Variants in RAB11FIP4 observed in about 807,000 individuals in gnomAD.
The protein encoded by RAB11FIP4 is RAB11 family interacting protein 4, also known as rab11 family-interacting protein 4.
RAB11FIP4 carries 23 observed loss-of-function variants against 74.3 expected under a neutral mutation model. That is an observed-to-expected ratio of 0.31 (90% CI 0.22 to 0.44). The LOEUF (loss-of-function observed/expected upper bound fraction) is 0.44. RAB11FIP4 is among the 20% of genes least tolerant of loss of function. RAB11FIP4 has a pLI of 1.00. For synonymous variants in RAB11FIP4, 360 were observed against 359.9 expected (o/e 1.00, Z 0.00); for missense variants, 630 against 863.9 (o/e 0.73, Z 3.39).
At position 31,531,815 on chromosome 17, in the gene RAB11FIP4, C is replaced by G; in HGVS notation, c.*83C>G. ...CCAAGGATGCAGGCCTAAGCCGGGC[C>G]TCACACTCACACTGTAAATGTCTCT... On this transcript the variant is annotated 3_prime_UTR_variant, in exon 15 of 15. Transcript: ENST00000621161. 2 of 820,278 alleles carry G rather than the reference C, an allele frequency of 2.4e-6. No individual in the cohort carries two copies. Among genetic ancestry groups the G allele is most frequent in the South Asian group, 2.9e-5 (2 of 68,502 alleles). The allele number at this position is 820,278 out of a possible 1,614,324, so 50.8% of individuals were successfully genotyped here.
intron 3 of RAB11FIP4, among the ~76,000 whole-genome samples, chr17:31,457,545 C>T (rs1229715918): frequency 6.6e-6 from 1 of 152,136 alleles, no homozygotes; most frequent in Non-Finnish European, 1.5e-5. Context: ...CTTCCCCTTT[C>T]TCCGGGGTGG....
chr17:31,461,441 T>G (rs2071633160), intron 3 of RAB11FIP4, among the ~76,000 whole-genome samples: 1 of 152,230 alleles, frequency 6.6e-6, no homozygotes, highest in Non-Finnish European at 1.5e-5. Context: ...GTTACCTTGA[T>G]GCAGGACTTC....
chr17:31,398,879 G>A (rs1342510735), intron 1 of RAB11FIP4, among the ~76,000 whole-genome samples: 1 of 152,190 alleles, frequency 6.6e-6, no homozygotes, highest in Admixed American at 6.5e-5. Flanking sequence ...CGGGGGCGAT[G>A]GCTACAAAGC....
rs2072932218 is a variant in RAB11FIP4, at chr17:31,534,870, TCA to T, written c.*3139_*3140del. ...ACATGGCCCTGAGCTGCCCTTGCGTTCAGTTGGAAGCCACGCAAAATGAACTG... is the reference window on the plus strand; with the variant it reads ...ACATGGCCCTGAGCTGCCCTTGCGTTGTTGGAAGCCACGCAAAATGAACTG... On this transcript the variant is annotated 3_prime_UTR_variant, in exon 15 of 15. Transcript: ENST00000621161. 1 of 154,386 alleles carries T rather than the reference TCA, an allele frequency of 6.5e-6. No individual in the cohort carries two copies. Among genetic ancestry groups the T allele is most frequent in the South Asian group, 2.0e-4 (1 of 4,926 alleles). The allele number at this position is 154,386 out of a possible 1,614,324, so 9.6% of individuals were successfully genotyped here. A position where few individuals can be genotyped will look rare whatever the true frequency, so the allele number is the denominator to read the frequency against.
At chr17:31,406,275 G>A (rs2071040952) in intron 1 of RAB11FIP4, among the ~76,000 whole-genome samples, 1 of 152,238 alleles carries the variant, frequency 6.6e-6, no homozygotes, top group Non-Finnish European at 1.5e-5. Flanking sequence ...TCTGCTCCCA[G>A]CGCAGGCGCT....
At chr17:31,430,477 C>T (rs1036760163) in intron 1 of RAB11FIP4, among the ~76,000 whole-genome samples, 30 of 151,226 alleles carry the variant, frequency 2.0e-4, no homozygotes, top group African/African-American at 6.8e-4. Flanking sequence ...CCTGCCTCAG[C>T]CTCCCGAGTA....
intron 10 of RAB11FIP4, chr17:31,525,581 G>A (rs758738626): frequency 4.2e-5 from 11 of 261,872 alleles, no homozygotes; most frequent in African/African-American, 2.5e-4. Flanking sequence ...AGAGCCCCAG[G>A]GCCAAGGTAA....
intron 3 of RAB11FIP4, among the ~76,000 whole-genome samples, chr17:31,451,615 G>A (rs2071528498): frequency 6.6e-6 from 1 of 152,016 alleles, no homozygotes; most frequent in Non-Finnish European, 1.5e-5. Flanking sequence ...GATTCCCGGT[G>A]ACTCTCACTG....
chr17:31,506,960 T>C (rs1302790036), intron 3 of RAB11FIP4, among the ~76,000 whole-genome samples: 4 of 152,184 alleles, frequency 2.6e-5, no homozygotes, highest in Admixed American at 2.0e-4. Flanking sequence ...CTCCATACCG[T>C]TGTCCATAAT....
chr17:31,509,698 C>A (rs965349814), intron 3 of RAB11FIP4, among the ~76,000 whole-genome samples: 5 of 152,144 alleles, frequency 3.3e-5, no homozygotes, highest in Non-Finnish European at 5.9e-5. Context: ...GGCTGCAGAG[C>A]TTTGATCTCA....
chr17:31,500,586 A>T (rs1337066928), intron 3 of RAB11FIP4, among the ~76,000 whole-genome samples: 1 of 152,212 alleles, frequency 6.6e-6, no homozygotes, highest in Non-Finnish European at 1.5e-5. Flanking sequence ...GTGTAGGTAA[A>T]ATACCTTTTA....
At chr17:31,513,428 C>G (rs931916324) in intron 3 of RAB11FIP4, among the ~76,000 whole-genome samples, 1 of 152,224 alleles carries the variant, frequency 6.6e-6, no homozygotes, top group African/African-American at 2.4e-5. Context: ...GTTCTGGCAC[C>G]TTCCAGCATC....
intron 3 of RAB11FIP4, among the ~76,000 whole-genome samples, chr17:31,489,123 G>T (rs1597949343): frequency 6.6e-6 from 1 of 152,336 alleles, no homozygotes; most frequent in East Asian, 1.9e-4. Context: ...TGAGAGGTCT[G>T]GGTCCTGTCT....
chr17:31,449,475 T>C (rs1395561552), intron 3 of RAB11FIP4, among the ~76,000 whole-genome samples: 1 of 152,200 alleles, frequency 6.6e-6, no homozygotes, highest in African/African-American at 2.4e-5. Flanking sequence ...CTTGCCTCCC[T>C]TTCTCTCTGT....
In RAB11FIP4 at chr17:31,391,820, G is replaced by T; in HGVS notation, c.-33G>T. On this transcript the variant is annotated 5_prime_UTR_variant, in exon 1 of 15. Transcript: ENST00000621161. ...CGGGCAGGCGGCGGGCGCGGCGGGCGAGGGGTCCGGGCTGAGCTGCGGGCC... is the reference window on the plus strand; with the variant it reads ...CGGGCAGGCGGCGGGCGCGGCGGGCTAGGGGTCCGGGCTGAGCTGCGGGCC... The T allele has an allele frequency of 3.0e-6, 3 of 990,632 alleles. No individual in the cohort carries two copies. In the African/African-American group the frequency reaches 5.3e-5, roughly 17 times the overall value. The allele number at this position is 990,632 out of a possible 1,614,324, so 61.4% of individuals were successfully genotyped here.
chr17:31,424,386 G>A (rs2151624953), intron 1 of RAB11FIP4, among the ~76,000 whole-genome samples: 1 of 152,240 alleles, frequency 6.6e-6, no homozygotes, highest in Non-Finnish European at 1.5e-5. Flanking sequence ...AGCCACATCT[G>A]AGATGCTAGC....
At chr17:31,488,260 T>C in intron 3 of RAB11FIP4, 6 of 1,171,874 alleles carry the variant, frequency 5.1e-6, no homozygotes, top group Non-Finnish European at 6.3e-6. Flanking sequence ...CCCCGCCAGC[T>C]CTCGGGAGCC....
intron 3 of RAB11FIP4, among the ~76,000 whole-genome samples, chr17:31,467,343 G>A (rs1160358511): frequency 6.6e-6 from 1 of 152,098 alleles, no homozygotes; most frequent in Non-Finnish European, 1.5e-5. Flanking sequence ...GGTCTCGAAT[G>A]CCTGACCTCA....
At chr17:31,513,992 G>A (rs995030347) in intron 3 of RAB11FIP4, among the ~76,000 whole-genome samples, 2 of 152,242 alleles carry the variant, frequency 1.3e-5, no homozygotes, top group African/African-American at 2.4e-5. Flanking sequence ...CGGGGCTGTT[G>A]TGAGGGATGG....
Sources: allele counts gnomAD v4.1 joint callset (sites outside exome capture counted in the v4.1 genomes callset), GRCh38; gene constraint gnomAD v4.1.1; transcripts MANE v1.5; gene names NCBI Gene and HGNC (gene_info 2026-07-23, HGNC 2026-07-21).